The following GALNT17 variants were observed in gnomAD, a reference collection of about 807,000 sequenced individuals.
The protein encoded by GALNT17 is polypeptide N-acetylgalactosaminyltransferase 17, also known as UDP-GalNAc:polypeptide N-acetylgalactosaminyltransferase-like 3.
In GALNT17, 29 loss-of-function variants were observed where a neutral mutation model predicts 63.7. The observed-to-expected ratio is 0.46, with a 90% CI of 0.34 to 0.62. The LOEUF (loss-of-function observed/expected upper bound fraction) is 0.62. Among genes scored for constraint, GALNT17 ranks in the 20% least tolerant of loss-of-function variants. The probability of loss-of-function intolerance (pLI) is 0.01; values close to 1 mark genes in which losing one functional copy is unlikely to be tolerated. For missense variants in GALNT17, 603 were observed against 799.6 expected, an observed-to-expected ratio of 0.75 and a Z score of 2.97; for synonymous variants, 305 against 318.3, an observed-to-expected ratio of 0.96 and a Z score of 0.45.
chr7:71,234,851 G>A (rs770907005), intron 1 of GALNT17, among the ~76,000 whole-genome samples: 1 of 152,174 alleles, frequency 6.6e-6, no homozygotes, highest in Non-Finnish European at 1.5e-5. Flanking sequence ...TGGCCTGGGT[G>A]TCTAAGTGCC....
intron 6 of GALNT17, among the ~76,000 whole-genome samples, chr7:71,616,424 AT>A (rs1020835998): frequency 5.0e-4 from 75 of 149,504 alleles, no homozygotes; most frequent in African/African-American, 1.7e-3. Context: ...TCCTGGAAAT[AT>A]TTTTTTATTA....
chr7:71,353,814 C>A (rs984383372), intron 2 of GALNT17, among the ~76,000 whole-genome samples: 3 of 152,146 alleles, frequency 2.0e-5, no homozygotes, highest in African/African-American at 7.2e-5. Context: ...TTAATCTGTT[C>A]TGGCATTGCT....
At chr7:71,192,111 C>G (rs147074427) in intron 1 of GALNT17, among the ~76,000 whole-genome samples, 1 of 152,140 alleles carries the variant, frequency 6.6e-6, no homozygotes, top group African/African-American at 2.4e-5. Context: ...ATCTGATGTT[C>G]GAGGTCAGGA....
intron 4 of GALNT17, among the ~76,000 whole-genome samples, chr7:71,418,269 G>T (rs529689485): frequency 6.6e-6 from 1 of 152,142 alleles, no homozygotes; most frequent in Non-Finnish European, 1.5e-5. Flanking sequence ...CCATTCAGAC[G>T]CATTTTCCAC....
At chr7:71,695,015 G>A (rs1020257431) in intron 9 of GALNT17, among the ~76,000 whole-genome samples, 6 of 152,178 alleles carry the variant, frequency 3.9e-5, no homozygotes, top group African/African-American at 4.8e-5. Flanking sequence ...TGTCATCAGC[G>A]GTCTGTCCTA....
intron 1 of GALNT17, among the ~76,000 whole-genome samples, chr7:71,177,637 A>G (rs1333782984): frequency 6.6e-6 from 1 of 152,148 alleles, no homozygotes; most frequent in Non-Finnish European, 1.5e-5. Context: ...GAGATGATGG[A>G]AAAGACGTTC....
intron 2 of GALNT17, among the ~76,000 whole-genome samples, chr7:71,365,216 A>C (rs1439712003): frequency 6.6e-6 from 1 of 152,076 alleles, no homozygotes; most frequent in Non-Finnish European, 1.5e-5. Flanking sequence ...TACAGGCATA[A>C]GCCACCACAT....
At chr7:71,152,372 A>G (rs1788151409) in intron 1 of GALNT17, among the ~76,000 whole-genome samples, 1 of 152,160 alleles carries the variant, frequency 6.6e-6, no homozygotes, top group African/African-American at 2.4e-5. Context: ...TTTTACAGTA[A>G]AAGAAAGGGT....
At chr7:71,573,550 G>A (rs1789486935) in intron 6 of GALNT17, among the ~76,000 whole-genome samples, 1 of 149,806 alleles carries the variant, frequency 6.7e-6, no homozygotes, top group Admixed American at 6.7e-5. Context: ...TAGCCAGGAT[G>A]GTCTCAATCT....
At chr7:71,295,785 G>A (rs1288120486) in intron 1 of GALNT17, among the ~76,000 whole-genome samples, 1 of 151,996 alleles carries the variant, frequency 6.6e-6, no homozygotes, top group African/African-American at 2.4e-5. Context: ...ATTAGAGATG[G>A]GGTCTCATTA....
intron 1 of GALNT17, among the ~76,000 whole-genome samples, chr7:71,335,171 G>T (rs892284762): frequency 2.6e-5 from 4 of 151,922 alleles, no homozygotes; most frequent in African/African-American, 9.7e-5. Context: ...TTGCTCTATT[G>T]CCCAGGCTGG....
chr7:71,467,077 TGA>T, intron 5 of GALNT17, among the ~76,000 whole-genome samples: 1 of 152,200 alleles, frequency 6.6e-6, no homozygotes, highest in Non-Finnish European at 1.5e-5. Context: ...TCATGGCCTC[TGA>T]CATTGGTGGG....
At chr7:71,701,186 CAGAA>C (rs1197039343) in intron 9 of GALNT17, among the ~76,000 whole-genome samples, 3 of 152,058 alleles carry the variant, frequency 2.0e-5, no homozygotes, top group Admixed American at 6.6e-5. Flanking sequence ...GGGAAAGTCT[CAGAA>C]AGAATATGAC....
intron 3 of GALNT17, among the ~76,000 whole-genome samples, chr7:71,409,169 T>C (rs1158407397): frequency 6.6e-6 from 1 of 151,886 alleles, no homozygotes; most frequent in Non-Finnish European, 1.5e-5. Context: ...GCAGGACAAG[T>C]AGGTCGTAGG....
At chr7:71,597,427 G>C (rs900122495) in intron 6 of GALNT17, among the ~76,000 whole-genome samples, 4 of 152,108 alleles carry the variant, frequency 2.6e-5, no homozygotes, top group African/African-American at 9.7e-5. Flanking sequence ...AGGATCACTT[G>C]AGCCCAGAAG....
At chr7:71,664,257 G>C (rs1790950413) in intron 6 of GALNT17, among the ~76,000 whole-genome samples, 1 of 152,120 alleles carries the variant, frequency 6.6e-6, no homozygotes, top group African/African-American at 2.4e-5. Flanking sequence ...CATTGGAGTG[G>C]ATGCTTCCAG....
intron 9 of GALNT17, among the ~76,000 whole-genome samples, chr7:71,683,195 CT>C (rs1378585457): frequency 1.3e-5 from 2 of 152,148 alleles, no homozygotes; most frequent in African/African-American, 4.8e-5. Context: ...CCGTCAGCTG[CT>C]TTTTAAAAAG....
chr7:71,310,756 A>G (rs1344474778), intron 1 of GALNT17, among the ~76,000 whole-genome samples: 4 of 152,232 alleles, frequency 2.6e-5, no homozygotes, highest in African/African-American at 9.6e-5. Flanking sequence ...TATTGGCCCT[A>G]CCAGAGTCAC....
chr7:71,149,008 T>G (rs1323896678), intron 1 of GALNT17, among the ~76,000 whole-genome samples: 1 of 151,876 alleles, frequency 6.6e-6, no homozygotes, highest in Admixed American at 6.6e-5. Context: ...CATAGCTCAC[T>G]GCAGCCTCGA....
Sources: gnomAD v4.1 joint callset for allele counts (sites outside exome capture counted in the v4.1 genomes callset) on GRCh38, gnomAD v4.1.1 for gene constraint, MANE v1.5 for transcripts, NCBI Gene and HGNC (gene_info 2026-07-23, HGNC 2026-07-21) for gene names.